GRTP1: variants seen among roughly 807,000 people sequenced by gnomAD.
GRTP1 encodes the protein growth hormone regulated TBC protein 1.
GRTP1 carries 56 observed loss-of-function variants against 38.1 expected under a neutral mutation model. The observed-to-expected ratio is 1.47, with a 90% CI of 1.19 to 1.84. The LOEUF is 1.84. Among genes scored for constraint, GRTP1 ranks in the 40% most tolerant of loss-of-function variants. The pLI, the probability that GRTP1 is intolerant of heterozygous loss-of-function variation, is 0.00. For missense variants in GRTP1, 506 were observed against 453.9 expected (o/e 1.11, Z -1.04); for synonymous variants, 217 against 189.5 (o/e 1.14, Z -1.19).
intron 2 of GRTP1, among the ~76,000 whole-genome samples, chr13:113,361,108 TCAA>T (rs1474687812): frequency 4.6e-5 from 1 of 21,902 alleles, no homozygotes; most frequent in Non-Finnish European, 8.9e-5. Flanking sequence ...AGACTTTGAC[TCAA>T]AAAAAAAAAA....
At chr13:113,326,882 C>CGGGA (rs970210079) in intron 5 of GRTP1, among the ~76,000 whole-genome samples, 7 of 152,084 alleles carry the variant, frequency 4.6e-5, no homozygotes, top group Non-Finnish European at 1.0e-4. Flanking sequence ...GCCACAGCAG[C>CGGGA]GGGAGGGAGG....
chr13:113,325,598 C>G (rs749717182), intron 7 of GRTP1, 63 bp downstream of exon 7: 25 of 1,612,190 alleles, frequency 1.6e-5, no homozygotes, highest in Admixed American at 6.7e-5. Flanking sequence ...CAGAGCAGCC[C>G]CCGGGCTGCA....
At chr13:113,340,345 GGTGCCCACCTGT>G (rs1324801355) in intron 5 of GRTP1, among the ~76,000 whole-genome samples, 1 of 150,592 alleles carries the variant, frequency 6.6e-6, no homozygotes, top group Non-Finnish European at 1.5e-5. Flanking sequence ...TAGGCATGGT[GGTGCCCACCTGT>G]GGTCCCAGCT....
At chr13:113,330,913 G>A (rs12873767) in intron 5 of GRTP1, among the ~76,000 whole-genome samples, 98 of 1,044 alleles carry the variant, frequency 0.094, 12 homozygotes, top group South Asian at 0.21. Context: ...ATGGGAGCCC[G>A]GGTGTGTGCA....
At chr13:113,360,409 A>G (rs1440247403) in intron 2 of GRTP1, 1 of 152,166 alleles carries the variant, frequency 6.6e-6, no homozygotes, top group African/African-American at 2.4e-5. Flanking sequence ...GTTCCTGGAG[A>G]CTTTAACATG....
In GRTP1 at chr13:113,325,930, A is replaced by G. The variant is rs374257379; in HGVS notation, c.724T>C (p.Leu242=). ...AGTGAGGCGCTCACCTCCACGGGCA[A>G]GATGTCCACAAACAGGCAGATGAAC... The part of the protein sequence containing the change: ...RWFICLFVDI[L]PVETVLRIWD... The change falls in exon 6 of 8, where the codon TTG becomes CTG. Residue 242 remains leucine (L), a synonymous_variant. Transcript: ENST00000375431. 2.5e-5 allele frequency: 41 copies of G among 1,613,836 alleles called. No homozygotes were observed. In the African/African-American group the frequency reaches 5.2e-4, roughly 20 times the overall value.
chr13:113,355,400 A>C lies in GRTP1; in HGVS notation c.263T>G (p.Met88Arg). 6.2e-7 allele frequency: 1 copy of C among 1,614,092 alleles called. No individual in the cohort carries two copies. The highest frequency in any genetic ancestry group is 1.1e-5 in the South Asian group (1 of 91,082). Residue 88 changes from methionine (M) to arginine (R), a missense_variant, in exon 3 of 8, where the codon ATG (methionine) becomes AGG (arginine). Coordinates refer to ENST00000375431, the MANE Select transcript of GRTP1 (RefSeq NM_024719.4). ...GTGGTAGTAGCCGGGATTCTGGTCCATCTGCGCCTGGGCCCCACTCAGCAC... is the reference window on the plus strand; with the variant it reads ...GTGGTAGTAGCCGGGATTCTGGTCCCTCTGCGCCTGGGCCCCACTCAGCAC... ...WMVLSGAQAQ[M>R]DQNPGYYHQL...
intron 4 of GRTP1, among the ~76,000 whole-genome samples, 190 bp from the exon 5 acceptor site, chr13:113,345,149 T>C (rs1203509570): frequency 6.6e-6 from 1 of 152,204 alleles, no homozygotes; most frequent in Non-Finnish European, 1.5e-5. Context: ...ATGTGTTTAG[T>C]CAAGCTTACG....
intron 4 of GRTP1, among the ~76,000 whole-genome samples, chr13:113,347,504 G>C (rs1375777704): frequency 6.2e-4 from 33 of 53,486 alleles, no homozygotes; most frequent in Middle Eastern, 0.011. Context: ...CTGTGGCCGA[G>C]AGCGGACCCA....
At chr13:113,336,609 C>T (rs1158524659) in intron 5 of GRTP1, among the ~76,000 whole-genome samples, 1 of 27,756 alleles carries the variant, frequency 3.6e-5, no homozygotes, top group African/African-American at 8.3e-5. Flanking sequence ...CTGCCTACAC[C>T]TACACTAGCT....
chr13:113,325,355 C>T, intron 7 of GRTP1: 14 of 1,426,548 alleles, frequency 9.8e-6, no homozygotes, highest in Non-Finnish European at 1.2e-5. Context: ...GGTCCAGGAC[C>T]CAGTGGGGAG....
chr13:113,331,688 C>G (rs188191094), intron 5 of GRTP1, among the ~76,000 whole-genome samples: 1 of 132,938 alleles, frequency 7.5e-6, no homozygotes, highest in Non-Finnish European at 1.6e-5. Context: ...CAGAGTCTCA[C>G]TCTGTCACCC....
intron 5 of GRTP1, among the ~76,000 whole-genome samples, chr13:113,328,589 A>G (rs1458319384): frequency 1.3e-5 from 2 of 152,300 alleles, no homozygotes; most frequent in East Asian, 3.9e-4. Context: ...GTGCTATCAC[A>G]GCTCACTGCA....
intron 2 of GRTP1, among the ~76,000 whole-genome samples, chr13:113,358,254 A>ATTTT (rs2043432387): frequency 1.3e-5 from 2 of 152,218 alleles, no homozygotes; most frequent in Non-Finnish European, 2.9e-5. Flanking sequence ...TAAAAGGAGA[A>ATTTT]ATACTTAGGT....
At chr13:113,353,721 T>A (rs544303504) in intron 3 of GRTP1, among the ~76,000 whole-genome samples, 21 of 151,976 alleles carry the variant, frequency 1.4e-4, no homozygotes, top group Admixed American at 5.9e-4. Context: ...CCCAAGAGCT[T>A]CAGCTTGGGA....
At chr13:113,330,496 G>A (rs1265143013) in intron 5 of GRTP1, among the ~76,000 whole-genome samples, 7 of 143,072 alleles carry the variant, frequency 4.9e-5, no homozygotes, top group African/African-American at 1.6e-4. Context: ...GGGAGCCCAG[G>A]TGTGTGCATG....
chr13:113,358,918 T>C (rs2043444498), intron 2 of GRTP1, among the ~76,000 whole-genome samples: 1 of 152,206 alleles, frequency 6.6e-6, no homozygotes. Context: ...ATGCGGTGTT[T>C]AGTCAAGATA....
chr13:113,353,589 G>T (rs2043325283), intron 3 of GRTP1, among the ~76,000 whole-genome samples: 1 of 152,030 alleles, frequency 6.6e-6, no homozygotes, highest in Admixed American at 6.6e-5. Flanking sequence ...GGACTGCCAG[G>T]GGCTGGGCAA....
At chr13:113,328,372 A>C (rs1460827631) in intron 5 of GRTP1, among the ~76,000 whole-genome samples, 1 of 152,202 alleles carries the variant, frequency 6.6e-6, no homozygotes, top group Non-Finnish European at 1.5e-5. Context: ...GCGTCTGCAC[A>C]TGGCTGTGGC....
Sources: gnomAD v4.1 joint callset for allele counts (sites outside exome capture counted in the v4.1 genomes callset) on GRCh38, gnomAD v4.1.1 for gene constraint, MANE v1.5 for transcripts, NCBI Gene and HGNC (gene_info 2026-07-23, HGNC 2026-07-21) for gene names.